The following ASTN2 variants were observed in gnomAD, a reference collection of about 807,000 sequenced individuals.
ASTN2 encodes the protein astrotactin-2.
Under a neutral mutation model 139.8 loss-of-function variants are expected in ASTN2, and 54 were observed. That is an observed-to-expected ratio of 0.39 (90% CI 0.31 to 0.48). ASTN2 has a LOEUF of 0.48. ASTN2 is among the 20% of genes least tolerant of loss of function. ASTN2 has a pLI of 0.95. For synonymous variants in ASTN2, 756 were observed against 719.5 expected, an observed-to-expected ratio of 1.05 and a Z score of -0.81; for missense variants, 1,565 against 1,725.1, an observed-to-expected ratio of 0.91 and a Z score of 1.64.
Position 116,961,879 on chromosome 9 carries a change from G to T in ASTN2, c.1889+13329C>A, listed in dbSNP as rs1027299903. Reference sequence around the variant, plus strand: ...TAATTGTAATATAATGACAACAACGGTAGCCAATCTATTTACGCTAAATGC... The same window carrying T: ...TAATTGTAATATAATGACAACAACGTTAGCCAATCTATTTACGCTAAATGC... On this transcript the variant is annotated intron_variant, in intron 10 of 22. Transcript: ENST00000313400. Among the ~76,000 whole-genome samples, 42 of 152,308 alleles carry T rather than the reference G, an allele frequency of 2.8e-4. 1 individual carries two copies. The highest frequency in any genetic ancestry group is 9.9e-4 in the African/African-American group (41 of 41,564).
intron 3 of ASTN2, among the ~76,000 whole-genome samples, chr9:117,188,176 GAGAGAGAGAGAGAGAGAC>G (rs879891824): frequency 0.021 from 2,494 of 118,572 alleles, 72 homozygotes; most frequent in African/African-American, 0.064. Flanking sequence ...TAGAGAGAGA[GAGAGAGAGAGAGAGAGAC>G]AGAGAGAGAG....
chr9:117,060,318 AAAAGAAAGAAAGAAAGAAAG>A (rs201278158), intron 5 of ASTN2, among the ~76,000 whole-genome samples: 1 of 110,252 alleles, frequency 9.1e-6, no homozygotes, highest in Non-Finnish European at 1.7e-5. Context: ...CAAAAAAGAA[AAAAGAAAGAAAGAAAGAAAG>A]AAAGAGAGAA....
chr9:116,641,194 G>A (rs1173323735), intron 17 of ASTN2, among the ~76,000 whole-genome samples: 2 of 152,176 alleles, frequency 1.3e-5, no homozygotes, highest in African/African-American at 4.8e-5. Flanking sequence ...AGAGATGCCT[G>A]CTTTTTCAAA....
chr9:117,121,496 A>T (rs541150695), intron 4 of ASTN2, among the ~76,000 whole-genome samples: 1 of 152,304 alleles, frequency 6.6e-6, no homozygotes, highest in African/African-American at 2.4e-5. Flanking sequence ...GAGACAGCAA[A>T]TTACACACTT....
At chr9:116,813,628 A>AT (rs969603814) in intron 12 of ASTN2, among the ~76,000 whole-genome samples, 1 of 152,156 alleles carries the variant, frequency 6.6e-6, no homozygotes, top group African/African-American at 2.4e-5. Context: ...TTTCTCATGT[A>AT]TTTTTTCCTT....
chr9:116,993,584 A>G (rs932857116), intron 7 of ASTN2, among the ~76,000 whole-genome samples: 4 of 150,018 alleles, frequency 2.7e-5, no homozygotes, highest in Non-Finnish European at 5.9e-5. Context: ...TAGATACTAT[A>G]TATAGGAATA....
intron 13 of ASTN2, among the ~76,000 whole-genome samples, chr9:116,794,688 T>A (rs2132228281): frequency 6.6e-6 from 1 of 152,326 alleles, no homozygotes; most frequent in South Asian, 2.1e-4. Context: ...TTTGTCAACA[T>A]GTGTCATGGG....
At chr9:116,852,878 T>TACACAC (rs3040211) in intron 11 of ASTN2, among the ~76,000 whole-genome samples, 20,674 of 134,132 alleles carry the variant, frequency 0.15, 1,751 homozygotes, top group African/African-American at 0.2. Flanking sequence ...AAGGGGAAAA[T>TACACAC]ACACACACAC....
chr9:116,805,771 G>A lies in ASTN2; in HGVS notation c.2257C>T (p.Leu753Phe), dbSNP rs1238865036. The A allele has an allele frequency of 3.1e-6, 5 of 1,613,780 alleles. No individual in the cohort carries two copies. Among genetic ancestry groups the A allele is most frequent in the African/African-American group, 1.3e-5 (1 of 74,910 alleles). Residue 753 changes from leucine to phenylalanine, a missense_variant, in exon 13 of 23, where the codon CTC becomes TTC. By Grantham distance (22) the Leu-to-Phe change is conservative. Transcript: ENST00000313400. ...LAPDGKSCLM[L>F]SDVCEGPKCL... is the part of the protein sequence containing the mutation. ...TTGGGGCCCTCGCAGACATCTGAGAGCATTAAGCAGGATTTTCCATCAGGA... is the reference window on the plus strand; with the variant it reads ...TTGGGGCCCTCGCAGACATCTGAGAACATTAAGCAGGATTTTCCATCAGGA...
At chr9:116,940,761 C>T (rs111643480) in intron 10 of ASTN2, among the ~76,000 whole-genome samples, 33 of 152,166 alleles carry the variant, frequency 2.2e-4, no homozygotes, top group African/African-American at 5.8e-4. Context: ...CAGTAGTATC[C>T]GGTAATGTCC....
intron 1 of ASTN2, among the ~76,000 whole-genome samples, chr9:117,400,337 C>T (rs1475815616): frequency 6.6e-6 from 1 of 152,216 alleles, no homozygotes; most frequent in Non-Finnish European, 1.5e-5. Flanking sequence ...GTCTTTCCAC[C>T]TGCTGTCCTT....
intron 6 of ASTN2, among the ~76,000 whole-genome samples, chr9:117,035,099 A>G (rs1838346791): frequency 1.3e-5 from 2 of 152,106 alleles, no homozygotes; most frequent in Non-Finnish European, 2.9e-5. Context: ...AGCTCTCTCT[A>G]CTAAGAAGGG....
At chr9:116,836,341 G>A (rs1051156842) in intron 11 of ASTN2, among the ~76,000 whole-genome samples, 5 of 151,516 alleles carry the variant, frequency 3.3e-5, no homozygotes, top group Non-Finnish European at 5.9e-5. Flanking sequence ...GGAAGGCCAT[G>A]CTCTTCACTG....
chr9:116,727,262 C>A (rs1165013987), intron 15 of ASTN2, among the ~76,000 whole-genome samples: 1 of 152,164 alleles, frequency 6.6e-6, no homozygotes, highest in African/African-American at 2.4e-5. Context: ...CCCACCCCAA[C>A]TGGGTACATG....
At chr9:116,755,528 C>T (rs572099526) in intron 13 of ASTN2, among the ~76,000 whole-genome samples, 1 of 152,312 alleles carries the variant, frequency 6.6e-6, no homozygotes, top group South Asian at 2.1e-4. Context: ...AGGAGTGAGG[C>T]CTCGGAAGAA....
At chr9:116,525,936 C>A (rs1009308407) in intron 19 of ASTN2, among the ~76,000 whole-genome samples, 1 of 152,164 alleles carries the variant, frequency 6.6e-6, no homozygotes, top group Non-Finnish European at 1.5e-5. Context: ...TCACACCTCT[C>A]TGCTTTTTCC....
intron 16 of ASTN2, chr9:116,701,274 G>C (rs577967994): frequency 3.6e-5 from 6 of 167,204 alleles, no homozygotes; most frequent in African/African-American, 1.4e-4. Flanking sequence ...GATAGGTAAA[G>C]AGGTCATTAA....
At chr9:116,811,180 C>T (rs1286838770) in intron 12 of ASTN2, among the ~76,000 whole-genome samples, 1 of 151,896 alleles carries the variant, frequency 6.6e-6, no homozygotes, top group Admixed American at 6.6e-5. Flanking sequence ...TTCCTTCCTG[C>T]TGTTTTATCT....
intron 2 of ASTN2, among the ~76,000 whole-genome samples, chr9:117,250,539 C>G (rs1043376612): frequency 1.3e-5 from 2 of 152,106 alleles, no homozygotes; most frequent in African/African-American, 4.8e-5. Context: ...TTTGATCTTG[C>G]CTTCTACCAA....
Sources: gnomAD v4.1 joint callset for allele counts (sites outside exome capture counted in the v4.1 genomes callset) on GRCh38, gnomAD v4.1.1 for gene constraint, MANE v1.5 for transcripts, NCBI Gene and HGNC (gene_info 2026-07-23, HGNC 2026-07-21) for gene names.